TXN2: variants seen among roughly 807,000 people sequenced by gnomAD.
The protein encoded by TXN2 is thioredoxin 2.
A neutral mutation model predicts 14.6 loss-of-function variants in TXN2; 12 were observed. That is an observed-to-expected ratio of 0.82 (90% CI 0.53 to 1.33). TXN2 has a LOEUF of 1.33. TXN2 is among the 40% of genes most tolerant of loss of function. The pLI is 0.00. For missense variants in TXN2, 173 were observed against 207.7 expected, an observed-to-expected ratio of 0.83 and a Z score of 1.03; for synonymous variants, 89 against 81.0, an observed-to-expected ratio of 1.10 and a Z score of -0.53.
intron 2 of TXN2, among the ~76,000 whole-genome samples, chr22:36,477,800 A>G (rs1264201167): frequency 6.6e-6 from 1 of 152,164 alleles, no homozygotes; most frequent in Non-Finnish European, 1.5e-5. Context: ...GCAAGATTAG[A>G]GAAGCACAGC....
At chr22:36,478,374 T>C (rs1211098037) in intron 2 of TXN2, among the ~76,000 whole-genome samples, 2 of 152,156 alleles carry the variant, frequency 1.3e-5, no homozygotes, top group Admixed American at 1.3e-4. Context: ...AATGAGGCAT[T>C]ATCCCATTTA....
chr22:36,469,616 G>A (rs1933231380), intron 3 of TXN2, among the ~76,000 whole-genome samples: 1 of 152,144 alleles, frequency 6.6e-6, no homozygotes. Context: ...TCTGCTGCCT[G>A]GGATCCCTGC....
chr22:36,480,059 T>C (rs1210032565), intron 2 of TXN2, among the ~76,000 whole-genome samples: 1 of 152,080 alleles, frequency 6.6e-6, no homozygotes, highest in Non-Finnish European at 1.5e-5. Context: ...AATTTTGTAT[T>C]TTTAATAGAG....
At chr22:36,480,111 G>C (rs1412704385) in intron 2 of TXN2, among the ~76,000 whole-genome samples, 1 of 152,088 alleles carries the variant, frequency 6.6e-6, no homozygotes, top group Non-Finnish European at 1.5e-5. Context: ...TTGAACTCCT[G>C]ACCTCAGGTG....
At position 36,467,687 on chromosome 22, in the gene TXN2, C is replaced by G. The variant is rs909853585; in HGVS notation, c.*117G>C. 26 of 892,888 alleles carry G rather than the reference C, an allele frequency of 2.9e-5. No homozygotes were observed. The highest frequency in any genetic ancestry group is 3.3e-4 in the Middle Eastern group (1 of 3,058). The allele number at this position is 892,888 out of a possible 1,614,324, so 55.3% of individuals were successfully genotyped here. On this transcript the variant is annotated 3_prime_UTR_variant, in exon 4 of 4. Coordinates refer to ENST00000216185, the MANE Select transcript of TXN2 (RefSeq NM_012473.4). ...AGCACTCAGGGCTGGAGCCTGGGCT[C>G]TAAGCATGGGCCCCAGGAGCCAGAC...
chr22:36,476,314 T>C (rs1488535363), intron 3 of TXN2, among the ~76,000 whole-genome samples: 1 of 152,080 alleles, frequency 6.6e-6, no homozygotes, highest in East Asian at 1.9e-4. Context: ...AAAAACCGGC[T>C]GGGCGCAGTG....
Position 36,467,375 on chromosome 22 carries a change from CTTTT to C in TXN2, c.*425_*428del. On this transcript the variant is annotated 3_prime_UTR_variant, in exon 4 of 4. Coordinates refer to ENST00000216185, the MANE Select transcript of TXN2 (RefSeq NM_012473.4). ...ATATTACTCTCACTAGTTTGGGCTTCTTTTTTCTTTTTCTTTTTACAAAACAGCA... is the reference window on the plus strand; with the variant it reads ...ATATTACTCTCACTAGTTTGGGCTTCTTCTTTTTCTTTTTACAAAACAGCA... 1 of 185,182 alleles carries C rather than the reference CTTTT, an allele frequency of 5.4e-6. No homozygotes were observed. Among genetic ancestry groups the C allele is most frequent in the Non-Finnish European group, 1.1e-5 (1 of 87,434 alleles). The allele number at this position is 185,182 out of a possible 1,614,324, so 11.5% of individuals were successfully genotyped here. A position where few individuals can be genotyped will look rare whatever the true frequency, so the allele number is the denominator to read the frequency against.
At chr22:36,476,953 C>A in intron 2 of TXN2, 97 bp from the exon 3 acceptor site, 1 of 1,559,844 alleles carries the variant, frequency 6.4e-7, no homozygotes, top group Non-Finnish European at 8.7e-7. Context: ...GAATCTTTTG[C>A]CCTTATTATC....
chr22:36,469,257 C>T (rs548064435), intron 3 of TXN2, among the ~76,000 whole-genome samples: 7 of 152,300 alleles, frequency 4.6e-5, no homozygotes, highest in East Asian at 1.9e-4. Context: ...CTCAGCACAG[C>T]GCCCGGCAAA....
At chr22:36,468,564 AC>A (rs1568974945) in intron 3 of TXN2, 1 of 350,120 alleles carries the variant, frequency 2.9e-6, no homozygotes, top group Non-Finnish European at 5.7e-6. Flanking sequence ...TGTTTACTAA[AC>A]CCCCCCAAAA....
rs1459327475 is a variant in TXN2 at position 36,470,954 on chromosome 22, CACACACACGCATACACACATATAT to C, written c.388-3061_388-3038del. 1.1e-4 allele frequency among the ~76,000 whole-genome samples: 16 copies of C among 152,030 alleles called. No homozygotes were observed. In the East Asian group the frequency reaches 3.1e-3, roughly 29 times the overall value. ...GGGATATTTTGAAGTTGAGCTTAAA[CACACACACGCATACACACATATAT>C]ACACACACACACATACACACTACCC... On this transcript the variant is annotated intron_variant, in intron 3 of 3. Transcript: ENST00000216185.
At chr22:36,477,460 G>A (rs937859370) in intron 2 of TXN2, among the ~76,000 whole-genome samples, 2 of 152,196 alleles carry the variant, frequency 1.3e-5, no homozygotes, top group East Asian at 1.9e-4. Context: ...CGCCTGTCTC[G>A]GCCTCCCAAA....
At chr22:36,470,781 TAA>T (rs34939764) in intron 3 of TXN2, among the ~76,000 whole-genome samples, 8 of 136,566 alleles carry the variant, frequency 5.9e-5, no homozygotes, top group Admixed American at 7.4e-5. Flanking sequence ...ATAAAAATAT[TAA>T]AAAAAAAAAA....
At chr22:36,475,022 C>G (rs1439380055) in intron 3 of TXN2, among the ~76,000 whole-genome samples, 1 of 152,240 alleles carries the variant, frequency 6.6e-6, no homozygotes, top group African/African-American at 2.4e-5. Flanking sequence ...GCTTCAGTCA[C>G]TCCCTTCCTG....
chr22:36,479,480 C>T (rs1186052278), intron 2 of TXN2, among the ~76,000 whole-genome samples: 1 of 151,836 alleles, frequency 6.6e-6, no homozygotes, highest in South Asian at 2.1e-4. Flanking sequence ...TACAGGTGCC[C>T]GCCACCACGC....
At chr22:36,471,875 C>T (rs1933284121) in intron 3 of TXN2, among the ~76,000 whole-genome samples, 1 of 150,906 alleles carries the variant, frequency 6.6e-6, no homozygotes, top group Non-Finnish European at 1.5e-5. Context: ...GAGGCTGAGG[C>T]AGGAGAAGTG....
At chr22:36,473,271 TG>T (rs1933319157) in intron 3 of TXN2, among the ~76,000 whole-genome samples, 1 of 152,090 alleles carries the variant, frequency 6.6e-6, no homozygotes, top group Admixed American at 6.6e-5. Flanking sequence ...GGTAAAACCT[TG>T]TCTCTATTAA....
intron 2 of TXN2, among the ~76,000 whole-genome samples, chr22:36,478,248 G>A (rs867119267): frequency 1.5e-4 from 23 of 151,608 alleles, no homozygotes; most frequent in Non-Finnish European, 2.6e-4. Flanking sequence ...TTCCCCTCTC[G>A]CTGGGGAAGC....
intron 3 of TXN2, among the ~76,000 whole-genome samples, chr22:36,471,775 G>C (rs1473899833): frequency 6.6e-6 from 1 of 151,896 alleles, no homozygotes; most frequent in Non-Finnish European, 1.5e-5. Context: ...TCGAGACAAG[G>C]CCGGCCAATG....
Sources: allele counts gnomAD v4.1 joint callset (sites outside exome capture counted in the v4.1 genomes callset), GRCh38; gene constraint gnomAD v4.1.1; transcripts MANE v1.5; gene names NCBI Gene and HGNC (gene_info 2026-07-23, HGNC 2026-07-21).